Variants in FNDC3B observed in about 807,000 individuals in gnomAD.
FNDC3B encodes fibronectin type III domain containing 3B.
FNDC3B carries 12 observed loss-of-function variants against 151.5 expected under a neutral mutation model. The observed-to-expected ratio is 0.08, with a 90% CI of 0.05 to 0.13. The LOEUF is 0.13. Ranked by LOEUF, FNDC3B falls within the 10% of genes least tolerant of loss-of-function variation. The pLI is 1.00. For synonymous variants in FNDC3B, 528 were observed against 549.0 expected (o/e 0.96, Z 0.54); for missense variants, 1,214 against 1,505.3 (o/e 0.81, Z 3.20).
At chr3:172,286,254 T>C (rs554964505) in intron 7 of FNDC3B, among the ~76,000 whole-genome samples, 11 of 152,016 alleles carry the variant, frequency 7.2e-5, no homozygotes, top group Admixed American at 6.6e-5. Context: ...GATTCTTTTT[T>C]TTCTCTCTCT....
chr3:172,149,728 A>C (rs1039467560), intron 3 of FNDC3B, among the ~76,000 whole-genome samples: 1 of 151,874 alleles, frequency 6.6e-6, no homozygotes, highest in Non-Finnish European at 1.5e-5. Context: ...CAGGAAAGAA[A>C]ATTAATCCAG....
chr3:172,057,405 C>T (rs1716968595), intron 1 of FNDC3B, among the ~76,000 whole-genome samples: 1 of 151,944 alleles, frequency 6.6e-6, no homozygotes, highest in Admixed American at 6.5e-5. Flanking sequence ...ATGCACTTTT[C>T]TTTGAAATGA....
chr3:172,205,628 C>A (rs1360585982), intron 3 of FNDC3B, among the ~76,000 whole-genome samples: 1 of 152,180 alleles, frequency 6.6e-6, no homozygotes. Context: ...GGGAAGAAAT[C>A]TGCATTCTCC....
chr3:172,189,307 A>T (rs1315909552), intron 3 of FNDC3B, among the ~76,000 whole-genome samples: 2 of 152,312 alleles, frequency 1.3e-5, no homozygotes, highest in East Asian at 3.9e-4. Flanking sequence ...ACTTAGAACA[A>T]ATTAGCTGGA....
chr3:172,069,328 G>C (rs374678559), intron 1 of FNDC3B, among the ~76,000 whole-genome samples: 1 of 152,010 alleles, frequency 6.6e-6, no homozygotes, highest in South Asian at 2.1e-4. Context: ...GATGTTCTTA[G>C]GTATTCATTC....
chr3:172,282,906 C>T (rs1729811389), intron 6 of FNDC3B, among the ~76,000 whole-genome samples: 1 of 152,260 alleles, frequency 6.6e-6, no homozygotes, highest in Non-Finnish European at 1.5e-5. Flanking sequence ...ATTCCTTCCT[C>T]AGTCAACAAA....
intron 2 of FNDC3B, among the ~76,000 whole-genome samples, chr3:172,121,331 C>G (rs1720535718): frequency 6.6e-6 from 1 of 152,136 alleles, no homozygotes; most frequent in Admixed American, 6.5e-5. Context: ...ATGAATTAGG[C>G]TGGGCGCTGG....
At chr3:172,041,399 T>TTCTCCTTCTC (rs1716047546) in intron 1 of FNDC3B, among the ~76,000 whole-genome samples, 1 of 149,298 alleles carries the variant, frequency 6.7e-6, no homozygotes, top group Non-Finnish European at 1.5e-5. Context: ...CTTTCTTTCT[T>TTCTCCTTCTC]TCTCCTTCTC....
intron 1 of FNDC3B, among the ~76,000 whole-genome samples, chr3:172,074,783 T>G (rs929089026): frequency 1.3e-5 from 2 of 152,216 alleles, no homozygotes; most frequent in African/African-American, 4.8e-5. Flanking sequence ...CATGATTGAT[T>G]ACCGGTTGGG....
rs147670607 is a variant in FNDC3B, at chr3:172,166,360, C to T, written c.187+32814C>T. ...TTAATGAAATGAATGAGTGATTATT[C>T]GCCTTCACAGGATTGTGTGAGACCA... On this transcript the variant is annotated intron_variant, in intron 3 of 25. Coordinates refer to ENST00000415807, the MANE Select transcript of FNDC3B (RefSeq NM_022763.4). 6.2e-4 allele frequency among the ~76,000 whole-genome samples: 95 copies of T among 152,272 alleles called. No individual in the cohort carries two copies. In the East Asian group the frequency reaches 0.012, roughly 20 times the overall value.
At position 172,192,169 on chromosome 3, in the gene FNDC3B, G is replaced by GTTT. The variant is rs200952601; in HGVS notation, c.188-34698_188-34696dup. On this transcript the variant is annotated intron_variant, in intron 3 of 25. Coordinates refer to ENST00000415807, the MANE Select transcript of FNDC3B (RefSeq NM_022763.4). ...ACAGAAGACTGTTTTTTTTGTGTGT[G>GTTT]TTTTTTGTTTTTTTTTTTTTTGAGA... Among the ~76,000 whole-genome samples the GTTT allele has an allele frequency of 4.9e-3, 425 of 87,278 alleles. 4 individuals carry two copies. Among genetic ancestry groups the GTTT allele is most frequent in the South Asian group, 0.012 (25 of 2,026 alleles). 57.3% of individuals were successfully genotyped at this position (87,278 alleles called of 152,430 possible).
At chr3:172,279,253 A>G (rs1244881961) in intron 6 of FNDC3B, among the ~76,000 whole-genome samples, 5 of 152,120 alleles carry the variant, frequency 3.3e-5, no homozygotes, top group African/African-American at 7.2e-5. Context: ...CATCCTGTCC[A>G]GTGAATTCCA....
intron 1 of FNDC3B, among the ~76,000 whole-genome samples, chr3:172,061,086 G>A (rs1228910305): frequency 1.3e-5 from 2 of 152,148 alleles, no homozygotes; most frequent in East Asian, 1.9e-4. Flanking sequence ...GTCACTGGAA[G>A]CACAGGTTGC....
chr3:172,285,016 C>A (rs2108824149), intron 6 of FNDC3B, among the ~76,000 whole-genome samples: 1 of 151,992 alleles, frequency 6.6e-6, no homozygotes, highest in Non-Finnish European at 1.5e-5. Flanking sequence ...TTGTACACAT[C>A]CTTCCCCCCT....
intron 11 of FNDC3B, among the ~76,000 whole-genome samples, chr3:172,327,802 T>C (rs1732435055): frequency 1.3e-5 from 2 of 152,226 alleles, no homozygotes; most frequent in Admixed American, 1.3e-4. Context: ...GTTTTAGTGG[T>C]ATTTGGAGAC....
intron 17 of FNDC3B, among the ~76,000 whole-genome samples, chr3:172,341,622 C>T (rs1190689260): frequency 1.3e-5 from 2 of 152,196 alleles, no homozygotes; most frequent in Non-Finnish European, 2.9e-5. Flanking sequence ...GTTACCACAT[C>T]TATCAATTTT....
intron 3 of FNDC3B, among the ~76,000 whole-genome samples, chr3:172,178,872 C>T (rs937304717): frequency 6.6e-5 from 10 of 152,334 alleles, no homozygotes; most frequent in African/African-American, 2.2e-4. Flanking sequence ...CCCTTCAGCG[C>T]CTCCACATAC....
chr3:172,278,022 T>C (rs1427575357), intron 6 of FNDC3B, among the ~76,000 whole-genome samples: 1 of 152,238 alleles, frequency 6.6e-6, no homozygotes, highest in Non-Finnish European at 1.5e-5. Flanking sequence ...GTGATGAGCT[T>C]CACTTGGCTC....
At chr3:172,068,166 T>C (rs1160884271) in intron 1 of FNDC3B, among the ~76,000 whole-genome samples, 3 of 152,168 alleles carry the variant, frequency 2.0e-5, no homozygotes, top group Non-Finnish European at 2.9e-5. Context: ...TACCCACCTA[T>C]TCCCCCCAGT....
Sources: allele counts gnomAD v4.1 joint callset (sites outside exome capture counted in the v4.1 genomes callset), GRCh38; gene constraint gnomAD v4.1.1; transcripts MANE v1.5; gene names NCBI Gene and HGNC (gene_info 2026-07-23, HGNC 2026-07-21).